The following SBF2 variants were observed in gnomAD, a reference collection of about 807,000 sequenced individuals.
The protein encoded by SBF2 is SET binding factor 2.
A neutral mutation model predicts 225.2 loss-of-function variants in SBF2; 112 were observed. That is an observed-to-expected ratio of 0.50 (90% confidence interval 0.43 to 0.58). The LOEUF is 0.58. Among genes scored for constraint, SBF2 ranks in the 20% least tolerant of loss-of-function variants. The pLI, the probability that SBF2 is intolerant of heterozygous loss-of-function variation, is 0.00. For synonymous variants in SBF2, 763 were observed against 773.3 expected (o/e 0.99, Z 0.22); for missense variants, 1,996 against 2,206.2 (o/e 0.90, Z 1.91).
At chr11:10,218,310 G>C (rs1591238629) in intron 1 of SBF2, among the ~76,000 whole-genome samples, 1 of 105,898 alleles carries the variant, frequency 9.4e-6, no homozygotes. Flanking sequence ...GAATAGCACA[G>C]GAAAGACCCA....
intron 1 of SBF2, among the ~76,000 whole-genome samples, chr11:10,200,786 T>C (rs1483997886): frequency 6.6e-6 from 1 of 152,158 alleles, no homozygotes; most frequent in East Asian, 1.9e-4. Flanking sequence ...ATAAAAACAA[T>C]TGCAGTAGAA....
chr11:10,206,648 C>T (rs1013644617), intron 1 of SBF2, among the ~76,000 whole-genome samples: 2 of 151,920 alleles, frequency 1.3e-5, no homozygotes, highest in South Asian at 2.1e-4. Flanking sequence ...CACAGAAATA[C>T]GTTATAAATC....
chr11:9,933,038 A>C (rs2134265494), intron 16 of SBF2, among the ~76,000 whole-genome samples: 1 of 151,982 alleles, frequency 6.6e-6, no homozygotes, highest in South Asian at 2.1e-4. Flanking sequence ...ACTTTAAACC[A>C]ACAAAGATCA....
intron 1 of SBF2, among the ~76,000 whole-genome samples, chr11:10,203,735 G>A (rs547911032): frequency 6.8e-4 from 103 of 152,016 alleles, no homozygotes; most frequent in African/African-American, 2.4e-3. Flanking sequence ...TAATATAAAT[G>A]TAAAAAATAT....
intron 3 of SBF2, 78 bp from the exon 4 acceptor site, chr11:10,031,248 T>A: frequency 3.8e-6 from 5 of 1,319,110 alleles, no homozygotes; most frequent in Non-Finnish European, 5.3e-6. Context: ...AATATCACCT[T>A]AAATATAACT....
intron 1 of SBF2, among the ~76,000 whole-genome samples, chr11:10,278,549 G>A (rs763838509): frequency 6.6e-6 from 1 of 152,050 alleles, no homozygotes; most frequent in Non-Finnish European, 1.5e-5. Context: ...GGGAGGCCAA[G>A]GCGGGTGGAT....
intron 1 of SBF2, among the ~76,000 whole-genome samples, chr11:10,243,498 G>A (rs918937776): frequency 3.3e-5 from 5 of 149,798 alleles, no homozygotes; most frequent in African/African-American, 1.2e-4. Context: ...AGAAAGAGAC[G>A]AGAAAAAAAA....
chr11:9,818,968 C>T (rs143922858), intron 28 of SBF2, among the ~76,000 whole-genome samples: 63 of 151,804 alleles, frequency 4.2e-4, no homozygotes, highest in African/African-American at 1.1e-3. Flanking sequence ...GTGATCCGCC[C>T]GCCTCAGCCT....
intron 32 of SBF2, among the ~76,000 whole-genome samples, chr11:9,800,928 A>G (rs577728202): frequency 6.6e-6 from 1 of 151,860 alleles, no homozygotes; most frequent in Non-Finnish European, 1.5e-5. Flanking sequence ...TTTTTTTCTC[A>G]AGCAGTCTAG....
chr11:9,790,896 C>G lies in SBF2; in HGVS notation c.4571-213G>C, dbSNP rs1245308473. On this transcript the variant is annotated intron_variant, in intron 33 of 39. Coordinates refer to ENST00000256190, the MANE Select transcript of SBF2 (RefSeq NM_030962.4). ...AAACAGATCCAGATGGAGGAAACAT[C>G]TGATAAAGTTTGCCTAAGCAGCCAG... is the stretch of plus-strand genomic sequence containing the variant. 1.6e-5 allele frequency: 7 copies of G among 448,294 alleles called. No homozygotes were observed. In the South Asian group the frequency reaches 1.6e-4, roughly 10 times the overall value. The allele number at this position is 448,294 out of a possible 1,614,324, so 27.8% of individuals were successfully genotyped here. A position where few individuals can be genotyped will look rare whatever the true frequency, so the allele number is the denominator to read the frequency against.
chr11:10,299,838 C>T (rs1257311745), intron 1 of SBF2, among the ~76,000 whole-genome samples: 1 of 152,206 alleles, frequency 6.6e-6, no homozygotes, highest in African/African-American at 2.4e-5. Context: ...ATAGCCAAAA[C>T]GATTGTTTAA....
At chr11:10,275,980 T>C (rs1451934078) in intron 1 of SBF2, among the ~76,000 whole-genome samples, 2 of 152,112 alleles carry the variant, frequency 1.3e-5, no homozygotes. Flanking sequence ...GTAATCATAG[T>C]TAAAAGCAAA....
intron 9 of SBF2, 40 bp from the exon 10 acceptor site, chr11:9,994,038 T>A: frequency 8.8e-7 from 1 of 1,139,680 alleles, no homozygotes. Context: ...TATCATAATA[T>A]CAATGAAATC....
chr11:10,150,475 T>C (rs1246829639), intron 2 of SBF2, among the ~76,000 whole-genome samples: 1 of 152,122 alleles, frequency 6.6e-6, no homozygotes, highest in Non-Finnish European at 1.5e-5. Flanking sequence ...GGATTACTGA[T>C]GGAAGAGGGG....
At position 9,856,564 on chromosome 11, in the gene SBF2, G is replaced by A. The variant is rs1857329536; in HGVS notation, c.2257C>T (p.Leu753Phe). The part of the protein sequence containing the change: ...VFSQAIHFAN[L>F]MVNLLVPLDT... ...AGTGGAACTAGCAGGTTCACCATGA[G>A]GTTTGCAAAGTGAATGGCCTGACTA... is the stretch of plus-strand genomic sequence containing the variant. The change falls in exon 19 of 40, where the codon CTC becomes TTC. Residue 753 changes from leucine (L) to phenylalanine (F), a missense_variant. Transcript: ENST00000256190. 5 of 1,614,088 alleles carry A rather than the reference G, an allele frequency of 3.1e-6. No individual in the cohort carries two copies. Among genetic ancestry groups the A allele is most frequent in the African/African-American group, 1.3e-5 (1 of 75,008 alleles).
In SBF2 at chr11:9,992,445, A is replaced by G. The variant is rs752101104; in HGVS notation, c.1266T>C (p.Pro422=). 1.2e-6 allele frequency: 2 copies of G among 1,613,068 alleles called. No homozygotes were observed. The highest frequency in any genetic ancestry group is 2.7e-5 in the African/African-American group (2 of 74,918). Residue 422 remains proline, a synonymous_variant, in exon 12 of 40, where the codon CCT becomes CCC. Coordinates refer to ENST00000256190, the MANE Select transcript of SBF2 (RefSeq NM_030962.4). ...CAAAGAGATCACAAGATCTATAAGG[A>G]GGACCTCTTTCTGAAACAAAACCTG... ...AFAGFVSERG[P]PYRSCDLFDE...
At chr11:10,127,603 A>G (rs1281806154) in intron 2 of SBF2, among the ~76,000 whole-genome samples, 1 of 152,088 alleles carries the variant, frequency 6.6e-6, no homozygotes, top group Non-Finnish European at 1.5e-5. Context: ...CTATCCAAAA[A>G]TCCTTTTGTG....
rs1236979105 is a variant in SBF2 at position 10,294,136 on chromosome 11, C to T, written c.-67G>A. ...CCCTCGCCGCCGCCGCCCACCCGGC[C>T]CGGGAGGGCTCAGCATTTTCCCTGC... On this transcript the variant is annotated 5_prime_UTR_variant, in exon 1 of 40. Transcript: ENST00000256190. The T allele has an allele frequency of 1.6e-6, 2 of 1,214,520 alleles. No individual in the cohort carries two copies. The highest frequency in any genetic ancestry group is 1.6e-5 in the African/African-American group (1 of 62,458). 75.2% of individuals were successfully genotyped at this position (1,214,520 alleles called of 1,614,324 possible). A position where few individuals can be genotyped will look rare whatever the true frequency, so the allele number is the denominator to read the frequency against.
At chr11:10,233,774 A>G (rs1051276510) in intron 1 of SBF2, among the ~76,000 whole-genome samples, 4 of 152,156 alleles carry the variant, frequency 2.6e-5, no homozygotes, top group Non-Finnish European at 5.9e-5. Flanking sequence ...TATCTTCCCA[A>G]GTTATCTCCC....
Sources: allele counts gnomAD v4.1 joint callset (sites outside exome capture counted in the v4.1 genomes callset), GRCh38; gene constraint gnomAD v4.1.1; transcripts MANE v1.5; gene names NCBI Gene and HGNC (gene_info 2026-07-23, HGNC 2026-07-21).